The following PEX14 variants were observed in gnomAD, a reference collection of about 807,000 sequenced individuals.
The protein encoded by PEX14 is peroxisomal membrane protein PEX14.
In PEX14, 15 loss-of-function variants were observed where a neutral mutation model predicts 49.5. The ratio of observed to expected loss-of-function variants is 0.30; its 90% CI spans 0.20 to 0.47. PEX14 has a LOEUF of 0.47. PEX14 is among the 20% of genes least tolerant of loss of function. The probability of loss-of-function intolerance (pLI) is 1.00; values close to 1 mark genes in which losing one functional copy is unlikely to be tolerated. For synonymous variants in PEX14, 210 were observed against 212.7 expected (o/e 0.99, Z 0.11); for missense variants, 398 against 494.8 (o/e 0.80, Z 1.86).
chr1:10,489,268 A>C (rs921150543), intron 1 of PEX14, among the ~76,000 whole-genome samples: 1 of 152,212 alleles, frequency 6.6e-6, no homozygotes, highest in Admixed American at 6.5e-5. Context: ...GGCGTGAGCT[A>C]CCGTGCCTGG....
At chr1:10,574,857 TC>T (rs1427722868) in intron 3 of PEX14, among the ~76,000 whole-genome samples, 2 of 152,076 alleles carry the variant, frequency 1.3e-5, no homozygotes, top group Admixed American at 1.3e-4. Flanking sequence ...ACACTAGTGA[TC>T]CCAGAGCTTA....
intron 1 of PEX14, among the ~76,000 whole-genome samples, chr1:10,485,758 G>GT (rs544485030): frequency 0.049 from 6,849 of 139,808 alleles, 631 homozygotes; most frequent in African/African-American, 0.16. Context: ...AATTCTAGTA[G>GT]TTTTTTTTTT....
chr1:10,552,497 T>C (rs973465926), intron 3 of PEX14, among the ~76,000 whole-genome samples: 3 of 152,228 alleles, frequency 2.0e-5, no homozygotes, highest in African/African-American at 4.8e-5. Flanking sequence ...ATGCCTGTTA[T>C]CTATATATTT....
Position 10,526,716 on chromosome 1 carries a change from C to T in PEX14, c.85-9497C>T, listed in dbSNP as rs143427618. Reference sequence around the variant, plus strand: ...ATCTCAAATCTGAAAATCCCAAATCCGAAATGCTCCAGTGAGCATTTCCTT... The same window carrying T: ...ATCTCAAATCTGAAAATCCCAAATCTGAAATGCTCCAGTGAGCATTTCCTT... On this transcript the variant is annotated intron_variant, in intron 2 of 8. Coordinates refer to ENST00000356607, the MANE Select transcript of PEX14 (RefSeq NM_004565.3). Among the ~76,000 whole-genome samples, 662 of 152,118 alleles carry T rather than the reference C, an allele frequency of 4.4e-3. 1 individual carries two copies. The highest frequency in any genetic ancestry group is 6.8e-3 in the Middle Eastern group (2 of 294).
chr1:10,493,743 A>G (rs1041117151), intron 1 of PEX14, among the ~76,000 whole-genome samples: 1 of 152,194 alleles, frequency 6.6e-6, no homozygotes, highest in Non-Finnish European at 1.5e-5. Context: ...AGTATGGCAG[A>G]CTTGATGTAA....
intron 3 of PEX14, among the ~76,000 whole-genome samples, chr1:10,564,720 C>T (rs1252550123): frequency 2.0e-5 from 3 of 151,634 alleles, no homozygotes; most frequent in Non-Finnish European, 4.4e-5. Context: ...AGGCATGGGC[C>T]ACTATGCCTA....
chr1:10,629,602 C>G lies in PEX14; in HGVS notation c.749C>G (p.Pro250Arg). 6.2e-7 allele frequency: 1 copy of G among 1,614,082 alleles called. No individual in the cohort carries two copies. Among genetic ancestry groups the G allele is most frequent in the Non-Finnish European group, 8.5e-7 (1 of 1,180,016 alleles). ...SWQIPVKSPS[P>R]SSPAAVNHHS... ...CAGATCCCAGTCAAGTCACCGTCAC[C>G]CTCCAGCCCTGCGGCCGTGAACCAC... The change falls in exon 9 of 9, where the codon CCC becomes CGC. Residue 250 changes from proline (P) to arginine (R), a missense_variant. Pro to Arg is a moderately radical substitution (Grantham distance 103). Transcript: ENST00000356607. This position sits in a 1 kb window ranked among gnomAD's most constrained non-coding sequence, Gnocchi z 8.5.
At chr1:10,621,189 T>TAA (rs774844943) in intron 5 of PEX14, among the ~76,000 whole-genome samples, 2 of 113,336 alleles carry the variant, frequency 1.8e-5, no homozygotes, top group Non-Finnish European at 1.9e-5. Context: ...TTCTCGAAAT[T>TAA]AAAAAAAAAA....
At chr1:10,520,148 C>CTTCTTTTTTTTTTTTTTTTT (rs1553185419) in intron 2 of PEX14, among the ~76,000 whole-genome samples, 1 of 69,162 alleles carries the variant, frequency 1.4e-5, no homozygotes, top group African/African-American at 4.2e-5. Flanking sequence ...CCTTCTTCTT[C>CTTCTTTTTTTTTTTTTTTTT]TTTTTTTTTT....
rs1321313387 is a variant in PEX14 at position 10,630,663 on chromosome 1, A to G, written c.*676A>G. ...AACAGCCAGCTCTGTCCTTCCCCCC[A>G]GGAAACACATGTTCATTTGTGTGAT... On this transcript the variant is annotated 3_prime_UTR_variant, in exon 9 of 9. Transcript: ENST00000356607. This position sits in a 1 kb window ranked among gnomAD's most constrained non-coding sequence, Gnocchi z 4.1. 1 of 153,434 alleles carries G rather than the reference A, an allele frequency of 6.5e-6. No individual in the cohort carries two copies. Among genetic ancestry groups the G allele is most frequent in the Non-Finnish European group, 1.4e-5 (1 of 68,974 alleles). The allele number at this position is 153,434 out of a possible 1,614,324, so 9.5% of individuals were successfully genotyped here.
In PEX14 at chr1:10,629,484, G is replaced by A. The variant is rs764819566; in HGVS notation, c.678-47G>A. 4.4e-6 allele frequency: 6 copies of A among 1,362,156 alleles called. No homozygotes were observed. Among genetic ancestry groups the A allele is most frequent in the South Asian group, 1.2e-5 (1 of 85,828 alleles). The allele number at this position is 1,362,156 out of a possible 1,614,324, so 84.4% of individuals were successfully genotyped here. ...GGAAGGCGTGGCCCTTCGAAGGGGG[G>A]CGTCCTGAATGCCGCCACCAACCTC... On this transcript the variant is annotated intron_variant, in intron 8 of 8. Coordinates refer to ENST00000356607, the MANE Select transcript of PEX14 (RefSeq NM_004565.3). The surrounding 1 kb of genome is among the most constrained non-coding windows in gnomAD (Gnocchi z 8.5).
intron 3 of PEX14, among the ~76,000 whole-genome samples, chr1:10,573,368 G>A (rs562267137): frequency 1.6e-4 from 25 of 152,224 alleles, no homozygotes; most frequent in African/African-American, 4.3e-4. Flanking sequence ...AGGCCAAAGC[G>A]GAGGATTGTT....
At chr1:10,575,272 G>A (rs920855985) in intron 3 of PEX14, among the ~76,000 whole-genome samples, 36 of 152,184 alleles carry the variant, frequency 2.4e-4, no homozygotes, top group Admixed American at 1.2e-3. Flanking sequence ...TATATAAAGC[G>A]AAAGCTATTA....
At chr1:10,536,152 T>C in intron 2 of PEX14, 61 bp from the exon 3 acceptor site, 1 of 1,050,684 alleles carries the variant, frequency 9.5e-7, no homozygotes, top group Non-Finnish European at 1.5e-6. Context: ...CTAGGATTTT[T>C]AATCTTGAAA....
At chr1:10,627,497 G>A (rs946855470) in intron 8 of PEX14, 134 bp downstream of exon 8, 3 of 694,822 alleles carry the variant, frequency 4.3e-6, no homozygotes, top group Non-Finnish European at 7.9e-6. Context: ...CAGGCACTGA[G>A]TCTGGGGCCT....
At chr1:10,624,008 C>T (rs1641670068) in intron 6 of PEX14, among the ~76,000 whole-genome samples, 1 of 152,114 alleles carries the variant, frequency 6.6e-6, no homozygotes, top group African/African-American at 2.4e-5. Flanking sequence ...GACACTGAGG[C>T]CCAGGAGATG....
rs1019562989 is a variant in PEX14 at position 10,622,961 on chromosome 1, T to C, written c.385-58T>C. On this transcript the variant is annotated intron_variant, in intron 5 of 8. Coordinates refer to ENST00000356607, the MANE Select transcript of PEX14 (RefSeq NM_004565.3). Reference sequence around the variant, plus strand: ...AAGTTGGGCGGCAGAATTTGAGAGATTGTTGGAGGATAACCCCGGGTCCGT... The same window carrying C: ...AAGTTGGGCGGCAGAATTTGAGAGACTGTTGGAGGATAACCCCGGGTCCGT... 10 of 1,205,686 alleles carry C rather than the reference T, an allele frequency of 8.3e-6. 1 individual carries two copies. In the Admixed American group the frequency reaches 1.9e-4, roughly 23 times the overall value. The allele number at this position is 1,205,686 out of a possible 1,614,324, so 74.7% of individuals were successfully genotyped here.
At chr1:10,577,547 TATATATATATATATA>T (rs1330853965) in intron 3 of PEX14, among the ~76,000 whole-genome samples, 1,079 of 9,230 alleles carry the variant, frequency 0.12, 51 homozygotes, top group African/African-American at 0.15. Context: ...TATATATATA[TATATATATATATATA>T]TTTTTTTTTT....
chr1:10,533,847 A>G lies in PEX14; in HGVS notation c.85-2366A>G, dbSNP rs117724709. 3.0e-3 allele frequency among the ~76,000 whole-genome samples: 457 copies of G among 152,332 alleles called. 11 individuals are homozygous for G. In the East Asian group the frequency reaches 0.036, roughly 12 times the overall value. On this transcript the variant is annotated intron_variant, in intron 2 of 8. Coordinates refer to ENST00000356607, the MANE Select transcript of PEX14 (RefSeq NM_004565.3). ...TACACTAGGCTGATTAATGTATTTA[A>G]AGAAATAAGAGATGCATTTTTTTAA...
Sources: gnomAD v4.1 joint callset for allele counts (sites outside exome capture counted in the v4.1 genomes callset) on GRCh38, gnomAD v4.1.1 for gene constraint, Gnocchi (gnomAD v3.1) non-coding constraint, MANE v1.5 for transcripts, NCBI Gene and HGNC (gene_info 2026-07-23, HGNC 2026-07-21) for gene names.